Variants in SOX6 observed in about 807,000 individuals in gnomAD.
SOX6 encodes transcription factor SOX-6.
SOX6 carries 11 observed loss-of-function variants against 97.8 expected under a neutral mutation model. The observed-to-expected ratio is 0.11, with a 90% confidence interval of 0.07 to 0.19. The LOEUF is 0.19. Ranked by LOEUF, SOX6 falls within the 10% of genes least tolerant of loss-of-function variation. SOX6 has a pLI of 1.00. For missense variants in SOX6, 810 were observed against 1,039.5 expected, an observed-to-expected ratio of 0.78 and a Z score of 3.04; for synonymous variants, 360 against 371.4, an observed-to-expected ratio of 0.97 and a Z score of 0.35.
intron 3 of SOX6, among the ~76,000 whole-genome samples, chr11:16,629,027 A>C (rs1316318223): frequency 6.6e-6 from 1 of 152,170 alleles, no homozygotes; most frequent in Non-Finnish European, 1.5e-5. Context: ...TAAGTATAGA[A>C]TCATATAATC....
chr11:16,475,532 G>A (rs1024495645), intron 1 of SOX6, among the ~76,000 whole-genome samples: 2 of 152,188 alleles, frequency 1.3e-5, no homozygotes, highest in Admixed American at 6.5e-5. Context: ...CAGCCAGTTG[G>A]TGGAACAATC....
intron 6 of SOX6, among the ~76,000 whole-genome samples, chr11:16,135,801 T>C (rs1447243295): frequency 6.6e-6 from 1 of 152,222 alleles, no homozygotes; most frequent in African/African-American, 2.4e-5. Context: ...TTTGAGAGGA[T>C]TGAAAGATGT....
At position 16,186,950 on chromosome 11, in the gene SOX6, G is replaced by C. The variant is rs758544541; in HGVS notation, c.541C>G (p.Pro181Ala). 6.2e-7 allele frequency: 1 copy of C among 1,613,734 alleles called. No individual in the cohort carries two copies. The highest frequency in any genetic ancestry group is 8.5e-7 in the Non-Finnish European group (1 of 1,179,788). ...SELLGEIKGT[P>A]ESLAEKERQL... ...CGTTCTTTTTCTGCCAGGCTCTCAG[G>C]TGTACCTAAAATGGAAGCAAGAAGA... Residue 181 changes from proline (P) to alanine (A), a missense_variant, in exon 5 of 16, where the codon CCT becomes GCT. By Grantham distance (27) the Pro-to-Ala change is conservative. This residue lies in a region of SOX6 where 110 missense variants were observed against 119.0 expected (regional missense o/e 0.92). Transcript: ENST00000683767.
intron 4 of SOX6, among the ~76,000 whole-genome samples, chr11:16,205,158 CA>C (rs1305343491): frequency 1.4e-4 from 22 of 152,096 alleles, no homozygotes; most frequent in Admixed American, 1.3e-3. Context: ...TTGTGAGACA[CA>C]ACTTGTCTAA....
chr11:16,243,424 C>A (rs111508419), intron 3 of SOX6, among the ~76,000 whole-genome samples: 100 of 151,872 alleles, frequency 6.6e-4, no homozygotes, highest in African/African-American at 2.1e-3. Context: ...GAGCTCTGCA[C>A]ATAATAAGTG....
intron 4 of SOX6, among the ~76,000 whole-genome samples, chr11:16,604,832 A>G (rs2133979392): frequency 6.6e-6 from 1 of 152,368 alleles, no homozygotes; most frequent in South Asian, 2.1e-4. Context: ...GACCGTAAAT[A>G]AAACTCAAAA....
chr11:16,017,478 C>G (rs991825315), intron 12 of SOX6, among the ~76,000 whole-genome samples: 1 of 152,034 alleles, frequency 6.6e-6, no homozygotes, highest in Non-Finnish European at 1.5e-5. Flanking sequence ...CAAAGCCATG[C>G]CATTTCATAT....
At chr11:16,697,804 C>T (rs549756806) in intron 3 of SOX6, among the ~76,000 whole-genome samples, 1 of 152,330 alleles carries the variant, frequency 6.6e-6, no homozygotes, top group South Asian at 2.1e-4. Context: ...ACATCTCCAT[C>T]AGAGCTCTTG....
chr11:16,394,268 T>A (rs1449683643), intron 1 of SOX6, among the ~76,000 whole-genome samples: 1 of 151,942 alleles, frequency 6.6e-6, no homozygotes, highest in Non-Finnish European at 1.5e-5. Flanking sequence ...AGATAATACA[T>A]GAAAAAGTTC....
intron 5 of SOX6, among the ~76,000 whole-genome samples, chr11:16,185,402 C>T (rs530481273): frequency 1.3e-5 from 2 of 152,310 alleles, no homozygotes; most frequent in South Asian, 4.1e-4. Context: ...TGCCACTAGG[C>T]ATCTAATATT....
At chr11:16,618,304 GA>G (rs1156296909) in intron 3 of SOX6, among the ~76,000 whole-genome samples, 2 of 151,814 alleles carry the variant, frequency 1.3e-5, no homozygotes, top group East Asian at 3.8e-4. Flanking sequence ...GATTTGAAAA[GA>G]CACATTAGAC....
In SOX6 at chr11:16,443,087, C is replaced by T. The variant is rs192142434; in HGVS notation, c.-5+33228G>A. ...GTCTGGTGCATTTACAAATATTATA[C>T]CCCCATATTAGACTATTTTATCTCC... On this transcript the variant is annotated intron_variant, in intron 1 of 15. Transcript: ENST00000396356. Among the ~76,000 whole-genome samples, 702 of 152,104 alleles carry T rather than the reference C, an allele frequency of 4.6e-3. 5 individuals are homozygous for T. Among genetic ancestry groups the T allele is most frequent in the African/African-American group, 0.016 (679 of 41,498 alleles).
At chr11:16,555,477 G>T (rs1186110249) in intron 4 of SOX6, among the ~76,000 whole-genome samples, 1 of 151,212 alleles carries the variant, frequency 6.6e-6, no homozygotes, top group Non-Finnish European at 1.5e-5. Flanking sequence ...TATTTTGGGG[G>T]TACATGTGAT....
In SOX6 at chr11:16,516,252, G is replaced by A. The variant is rs1860969291; in HGVS notation, n.610-39864C>T. 5.9e-5 allele frequency among the ~76,000 whole-genome samples: 9 copies of A among 151,896 alleles called. No individual in the cohort carries two copies. In the South Asian group the frequency reaches 1.9e-3, roughly 32 times the overall value. ...GCAGTGGTTTGTAGTTCTCCTTGAAGAGGTCCTTCACATCCCTTGTAAGTT... is the reference window on the plus strand; with the variant it reads ...GCAGTGGTTTGTAGTTCTCCTTGAAAAGGTCCTTCACATCCCTTGTAAGTT... On this transcript the variant is annotated intron_variant and non_coding_transcript_variant, in intron 4 of 5. Coordinates refer to the SOX6 transcript ENST00000524520.
chr11:16,451,332 T>C (rs1859712466), intron 1 of SOX6, among the ~76,000 whole-genome samples: 1 of 152,114 alleles, frequency 6.6e-6, no homozygotes, highest in South Asian at 2.1e-4. Context: ...GGATCAAGAC[T>C]CATGAAGTCA....
chr11:16,604,457 T>C (rs1848308933), intron 4 of SOX6, among the ~76,000 whole-genome samples: 1 of 152,074 alleles, frequency 6.6e-6, no homozygotes, highest in South Asian at 2.1e-4. Flanking sequence ...CCCTCTCTCA[T>C]CTCTACTCCC....
At position 16,613,295 on chromosome 11, in the gene SOX6, A is replaced by C. The variant is rs1848422987; in HGVS notation, n.430-1035T>G. 6.6e-6 allele frequency: 1 copy of C among 152,476 alleles called. No homozygotes were observed. The highest frequency in any genetic ancestry group is 2.4e-5 in the African/African-American group (1 of 41,416). 9.4% of individuals were successfully genotyped at this position (152,476 alleles called of 1,614,324 possible). A position where few individuals can be genotyped will look rare whatever the true frequency, so the allele number is the denominator to read the frequency against. On this transcript the variant is annotated intron_variant and non_coding_transcript_variant, in intron 3 of 5. Transcript: ENST00000524520. The surrounding 1 kb of genome is among the most constrained non-coding windows in gnomAD (Gnocchi z 4.6). ...CCACCCCCAACTACCCCTGCCACTCAGATCAGCCGGCATGCACCCTGGAGA... is the reference window on the plus strand; with the variant it reads ...CCACCCCCAACTACCCCTGCCACTCCGATCAGCCGGCATGCACCCTGGAGA...
Position 16,111,939 on chromosome 11 carries a change from G to C in SOX6, c.778-16C>G, listed in dbSNP as rs779643001. On this transcript the variant is annotated splice_polypyrimidine_tract_variant and intron_variant, in intron 6 of 15. Transcript: ENST00000683767. ...GACCCTGAACCTGCTAAACAGAAGA[G>C]AGCCTATGATCAGACAGGGAGCAAA... The C allele has an allele frequency of 1.2e-6, 2 of 1,611,912 alleles. No individual in the cohort carries two copies. Among genetic ancestry groups the C allele is most frequent in the East Asian group, 2.2e-5 (1 of 44,846 alleles).
At chr11:16,354,639 T>C (rs1857029955) in intron 1 of SOX6, among the ~76,000 whole-genome samples, 1 of 151,990 alleles carries the variant, frequency 6.6e-6, no homozygotes, top group Non-Finnish European at 1.5e-5. Context: ...CCACCTATTA[T>C]TAACCTCTTT....
Sources: gnomAD v4.1 joint callset for allele counts (sites outside exome capture counted in the v4.1 genomes callset) on GRCh38, gnomAD v4.1.1 for gene constraint, gnomAD v4.1.1 regional missense constraint, Gnocchi (gnomAD v3.1) non-coding constraint, MANE v1.5 for transcripts, NCBI Gene and HGNC (gene_info 2026-07-23, HGNC 2026-07-21) for gene names.